The following WNK2 variants were observed in gnomAD, a reference collection of about 807,000 sequenced individuals.
The protein encoded by WNK2 is WNK lysine deficient protein kinase 2, also known as serine/threonine-protein kinase WNK2.
In WNK2, 67 loss-of-function variants were observed where a neutral mutation model predicts 192.1. The observed-to-expected ratio is 0.35, with a 90% CI of 0.29 to 0.43. WNK2 has a LOEUF of 0.43. Ranked by LOEUF, WNK2 falls within the 20% of genes least tolerant of loss-of-function variation. The pLI is 1.00. For synonymous variants in WNK2, 1,439 were observed against 1,393.9 expected, an observed-to-expected ratio of 1.03 and a Z score of -0.72; for missense variants, 2,698 against 3,089.7, an observed-to-expected ratio of 0.87 and a Z score of 3.01.
intron 28 of WNK2, 55 bp from the exon 29 acceptor site, chr9:93,317,465 G>A (rs1313005515): frequency 1.3e-6 from 2 of 1,580,520 alleles, no homozygotes; most frequent in African/African-American, 1.3e-5. Context: ...CACTAAGGGA[G>A]GCCAGCTGAT....
At chr9:93,214,212 C>T (rs999331379) in intron 2 of WNK2, among the ~76,000 whole-genome samples, 11 of 152,204 alleles carry the variant, frequency 7.2e-5, no homozygotes, top group African/African-American at 2.6e-4. Flanking sequence ...AGTCCCTATT[C>T]TTATTTAAAG....
chr9:93,288,174 G>T (rs1848719459), intron 19 of WNK2, among the ~76,000 whole-genome samples: 1 of 152,202 alleles, frequency 6.6e-6, no homozygotes, highest in African/African-American at 2.4e-5. Flanking sequence ...GGCTCCATGA[G>T]CTCCTGCACA....
intron 5 of WNK2, among the ~76,000 whole-genome samples, chr9:93,237,553 T>A (rs948280018): frequency 1.3e-5 from 2 of 152,256 alleles, no homozygotes; most frequent in African/African-American, 4.8e-5. Context: ...TGTATGTATC[T>A]GTAAAGAGTT....
chr9:93,310,340 C>T (rs1853416893), intron 28 of WNK2, among the ~76,000 whole-genome samples: 1 of 152,174 alleles, frequency 6.6e-6, no homozygotes, highest in South Asian at 2.1e-4. Context: ...GCCTGGGCTC[C>T]AGCTATATCA....
At chr9:93,266,881 AG>A (rs1423302487) in intron 16 of WNK2, 2 of 152,352 alleles carry the variant, frequency 1.3e-5, no homozygotes, top group African/African-American at 2.4e-5. Flanking sequence ...TCTGCCTGGG[AG>A]GAGGTGCCAT....
chr9:93,308,342 A>G lies in WNK2; in HGVS notation c.6274A>G (p.Ser2092Gly). 6.4e-7 allele frequency: 1 copy of G among 1,554,688 alleles called. No homozygotes were observed. The highest frequency in any genetic ancestry group is 8.7e-7 in the Non-Finnish European group (1 of 1,149,272). Residue 2092 changes from serine (S) to glycine (G), a missense_variant, in exon 28 of 30, where the codon AGC (serine) becomes GGC (glycine). By Grantham distance (56) the Ser-to-Gly change is moderately conservative. This residue lies in a region of WNK2 where 167 missense variants were observed against 184.2 expected (regional missense o/e 0.91). Transcript: ENST00000427277. ...TGACTCCCCAGGGTCCTCCACCAGCAGCCTGGCCCCAGGCCCTGAGCCAGG... is the reference window on the plus strand; with the variant it reads ...TGACTCCCCAGGGTCCTCCACCAGCGGCCTGGCCCCAGGCCCTGAGCCAGG... ...KEHSSRSSTSSLAPGPEPGPQ... is the reference protein window; with the variant it reads ...KEHSSRSSTSGLAPGPEPGPQ...
At chr9:93,217,327 C>G (rs1835933271) in intron 2 of WNK2, among the ~76,000 whole-genome samples, 1 of 152,232 alleles carries the variant, frequency 6.6e-6, no homozygotes, top group Non-Finnish European at 1.5e-5. Flanking sequence ...TCAACCTGTA[C>G]TGGCCTGATT....
At chr9:93,319,036 G>T (rs1043080784) in intron 29 of WNK2, 2 of 1,555,242 alleles carry the variant, frequency 1.3e-6, no homozygotes, top group Non-Finnish European at 1.7e-6. Context: ...TGTCGTAAGA[G>T]ATTTCTGTTC....
intron 8 of WNK2, among the ~76,000 whole-genome samples, chr9:93,250,884 A>C (rs1251746348): frequency 6.9e-6 from 1 of 144,540 alleles, no homozygotes; most frequent in Non-Finnish European, 1.5e-5. Flanking sequence ...TCCCAGGTTC[A>C]AGTGATTCTT....
rs766550880 is a variant in WNK2 at position 93,259,097 on chromosome 9, C to A, written c.2549C>A (p.Ala850Glu). The A allele has an allele frequency of 1.9e-6, 3 of 1,612,674 alleles. 1 individual carries two copies. Among genetic ancestry groups the A allele is most frequent in the Non-Finnish European group, 1.7e-6 (2 of 1,179,604 alleles). ...LPSLAAPLPP[A>E]SPALPLQAVK... The stretch of plus-strand genomic sequence containing the variant: ...AGCCTCGCTGCCCCACTCCCCCCTG[C>A]GTCCCCAGCCTTGCCTCTGCAGGCT... Residue 850 changes from alanine (A) to glutamate (E), a missense_variant, in exon 12 of 30, where the codon GCG becomes GAG. Physicochemically the swap from Ala to Glu is moderately radical, Grantham distance 107. Around this residue, in one of 7 missense-constraint regions of WNK2, gnomAD observed 893 missense variants for 909.0 expected, o/e 0.98. Transcript: ENST00000427277. This position sits in a 1 kb window ranked among gnomAD's most constrained non-coding sequence, Gnocchi z 4.8.
chr9:93,308,957 G>C, intron 28 of WNK2: 5 of 1,083,746 alleles, frequency 4.6e-6, no homozygotes, highest in Non-Finnish European at 5.6e-6. Flanking sequence ...GCCCAGGCTG[G>C]AGACCAGGGC....
chr9:93,301,711 G>T (rs1426141552), intron 26 of WNK2, among the ~76,000 whole-genome samples: 2 of 152,210 alleles, frequency 1.3e-5, no homozygotes, highest in South Asian at 2.1e-4. Flanking sequence ...TGCATGTGCG[G>T]CTCGATCTGG....
In WNK2 at chr9:93,211,236, AC is replaced by A. The variant is rs1563997317; in HGVS notation, c.682-18459del. Among the ~76,000 whole-genome samples the A allele has an allele frequency of 7.0e-4, 61 of 87,032 alleles. 2 individuals carry two copies. Among genetic ancestry groups the A allele is most frequent in the South Asian group, 9.9e-4 (2 of 2,014 alleles). The allele number at this position is 87,032 out of a possible 152,430, so 57.1% of individuals were successfully genotyped here. ...CAATCACTCATCCACTCACTCACTC[AC>A]TCATTCACTCACTCACTCATTCACT... On this transcript the variant is annotated intron_variant, in intron 2 of 29. Transcript: ENST00000427277.
At chr9:93,285,429 A>T (rs150416661) in intron 19 of WNK2, among the ~76,000 whole-genome samples, 2 of 152,234 alleles carry the variant, frequency 1.3e-5, no homozygotes, top group African/African-American at 4.8e-5. Context: ...ATCTTTCTGT[A>T]TACCAACAAC....
At chr9:93,249,592 G>A (rs1189535804) in intron 8 of WNK2, among the ~76,000 whole-genome samples, 1 of 152,234 alleles carries the variant, frequency 6.6e-6, no homozygotes, top group East Asian at 1.9e-4. Context: ...TCCTGCCTCA[G>A]CCCCTTGAGT....
At chr9:93,212,197 C>G (rs1326518080) in intron 2 of WNK2, among the ~76,000 whole-genome samples, 1 of 152,248 alleles carries the variant, frequency 6.6e-6, no homozygotes, top group Non-Finnish European at 1.5e-5. Flanking sequence ...CCAGACCCTG[C>G]AGGAAATTAC....
intron 7 of WNK2, among the ~76,000 whole-genome samples, chr9:93,241,168 T>C (rs1840699666): frequency 6.6e-6 from 1 of 152,236 alleles, no homozygotes; most frequent in Admixed American, 6.5e-5. Flanking sequence ...GACAGAGACG[T>C]CTTTGTTGTT....
intron 2 of WNK2, among the ~76,000 whole-genome samples, chr9:93,228,190 G>A (rs1838143867): frequency 6.6e-6 from 1 of 152,212 alleles, no homozygotes. Flanking sequence ...AGGGGCCCAT[G>A]AGGGTGTGTG....
chr9:93,197,410 A>G (rs999407527), intron 2 of WNK2, among the ~76,000 whole-genome samples: 2 of 152,186 alleles, frequency 1.3e-5, no homozygotes, highest in East Asian at 1.9e-4. Flanking sequence ...TGTCATGTCA[A>G]TTTCAATCCA....
Sources: allele counts gnomAD v4.1 joint callset (sites outside exome capture counted in the v4.1 genomes callset), GRCh38; gene constraint gnomAD v4.1.1; regional missense constraint gnomAD v4.1.1; non-coding constraint Gnocchi (gnomAD v3.1); transcripts MANE v1.5; gene names NCBI Gene and HGNC (gene_info 2026-07-23, HGNC 2026-07-21).